Variants in PRG4 observed in about 807,000 individuals in gnomAD.
The protein encoded by PRG4 is proteoglycan 4.
Under a neutral mutation model 91.2 loss-of-function variants are expected in PRG4, and 61 were observed. That is an observed-to-expected ratio of 0.67 (90% CI 0.54 to 0.83). The LOEUF is 0.83. PRG4 is among the 40% of genes least tolerant of loss of function. The pLI, the probability that PRG4 is intolerant of heterozygous loss-of-function variation, is 0.00. For missense variants in PRG4, 1,564 were observed against 1,714.2 expected (o/e 0.91, Z 1.55); for synonymous variants, 576 against 614.2 (o/e 0.94, Z 0.92).
chr1:186,308,443 A>G lies in PRG4; in HGVS notation c.2724A>G (p.Lys908=). Residue 908 remains lysine, a synonymous_variant, in exon 7 of 13, where the codon AAA becomes AAG. Coordinates refer to ENST00000445192, the MANE Select transcript of PRG4 (RefSeq NM_005807.6). ...CAACTAAGACTCCTGCAGCGACTAA[A>G]CCTGAAATGACTACAACAGCTAAAG... ...VPTTKTPAAT[K]PEMTTTAKDK... 1.2e-6 allele frequency: 2 copies of G among 1,613,968 alleles called. No individual in the cohort carries two copies. The highest frequency in any genetic ancestry group is 1.7e-6 in the Non-Finnish European group (2 of 1,180,038).
Position 186,308,543 on chromosome 1 carries a change from G to C in PRG4, c.2824G>C (p.Ala942Pro), listed in dbSNP as rs1190135710. The C allele has an allele frequency of 1.2e-6, 2 of 1,613,564 alleles. No individual in the cohort carries two copies. The change falls in exon 7 of 13, where the codon GCA becomes CCA. Residue 942 changes from alanine (A) to proline (P), a missense_variant. By Grantham distance (27) the Ala-to-Pro change is conservative (BLOSUM62 -1). This residue lies in a region of PRG4 where 1,079 missense variants were observed against 1,162.2 expected (regional missense o/e 0.93). Transcript: ENST00000445192. ...TGCACCTAAGATGACAAAAGAGACA[G>C]CAACTACAACAGAAAAAACTACCGA... ...TAAPKMTKET[A>P]TTTEKTTESK...
At chr1:186,310,493 G>C (rs1383214987) in intron 8 of PRG4, among the ~76,000 whole-genome samples, 2 of 152,046 alleles carry the variant, frequency 1.3e-5, no homozygotes, top group Admixed American at 6.6e-5. Context: ...AAGCCAAAAG[G>C]CTTTTTTGAG....
Position 186,301,730 on chromosome 1 carries a change from A to G in PRG4, c.319+19A>G, listed in dbSNP as rs1656232573. The G allele has an allele frequency of 5.0e-6, 8 of 1,611,992 alleles. No homozygotes were observed. The Admixed American group carries it at 6.7e-5, about 13-fold the overall frequency. On this transcript the variant is annotated intron_variant, in intron 4 of 12. Transcript: ENST00000445192. ...GCAGAAGGTAAGCATCACAGTACCA[A>G]CCAATGCTTCTCAGTACAGCCAGAT...
Position 186,308,843 on chromosome 1 carries a change from AGAGT to A in PRG4, c.3128_3131del (p.Val1043GlufsTer12). ...TACCAAAAAGCCAAAAACAATGCCT[AGAGT>A]GAGAAAACCAAAGACGACACCAACT... On this transcript the variant is annotated frameshift_variant, in exon 7 of 13. Coordinates refer to ENST00000445192, the MANE Select transcript of PRG4 (RefSeq NM_005807.6). LOFTEE classifies it high-confidence loss of function. 5 of 1,613,918 alleles carry A rather than the reference AGAGT, an allele frequency of 3.1e-6. No homozygotes were observed. Among genetic ancestry groups the A allele is most frequent in the East Asian group, 4.5e-5 (2 of 44,878 alleles).
At chr1:186,303,094 C>T (rs1256103169) in intron 4 of PRG4, among the ~76,000 whole-genome samples, 2 of 152,104 alleles carry the variant, frequency 1.3e-5, no homozygotes, top group African/African-American at 4.8e-5. Flanking sequence ...TTAGTTGTTT[C>T]AGTATAGATA....
At position 186,304,267 on chromosome 1, in the gene PRG4, T is replaced by C. The variant is rs1455080620; in HGVS notation, c.469+10T>C. The C allele has an allele frequency of 2.5e-6, 4 of 1,609,572 alleles. No individual in the cohort carries two copies. The highest frequency in any genetic ancestry group is 1.1e-5 in the South Asian group (1 of 90,990). On this transcript the variant is annotated intron_variant, in intron 5 of 12. Coordinates refer to ENST00000445192, the MANE Select transcript of PRG4 (RefSeq NM_005807.6). ...GAGGAAATAACAGAAGGTAGGAAGA[T>C]GACAGATATAATCAAAGGAGCTTTC... is the stretch of plus-strand genomic sequence containing the variant.
At position 186,312,084 on chromosome 1, in the gene PRG4, T is replaced by C. The variant is rs183724342; in HGVS notation, c.3794-91T>C. ...TATATGAAAAATGAGAACAAAACTGTTTCCTATACATTGTAAAAGTTGTTT... is the reference window on the plus strand; with the variant it reads ...TATATGAAAAATGAGAACAAAACTGCTTCCTATACATTGTAAAAGTTGTTT... On this transcript the variant is annotated intron_variant, in intron 10 of 12. Coordinates refer to ENST00000445192, the MANE Select transcript of PRG4 (RefSeq NM_005807.6). The C allele has an allele frequency of 4.7e-4, 496 of 1,053,180 alleles. 1 individual carries two copies. In the African/African-American group the frequency reaches 6.7e-3, roughly 14 times the overall value. The allele number at this position is 1,053,180 out of a possible 1,614,324, so 65.2% of individuals were successfully genotyped here.
rs148099413 is a variant in PRG4, at chr1:186,312,345, C to T, written c.3964C>T (p.Pro1322Ser). The change falls in exon 11 of 13, where the codon CCT becomes TCT. Residue 1322 changes from proline to serine, a missense_variant. By Grantham distance (74) the Pro-to-Ser change is moderately conservative. Around this residue, in one of 3 missense-constraint regions of PRG4, gnomAD observed 1,079 missense variants for 1,162.2 expected, o/e 0.93. Transcript: ENST00000445192. ...QTHTIRIQYSPARLAYQDKGV... is the reference protein window; with the variant it reads ...QTHTIRIQYSSARLAYQDKGV... The stretch of plus-strand genomic sequence containing the variant: ...ACACACCATCAGAATTCAATATTCA[C>T]CTGCCAGACTGGCTTATCAAGACAA... The T allele has an allele frequency of 5.3e-4, 846 of 1,608,670 alleles. No individual in the cohort carries two copies. The highest frequency in any genetic ancestry group is 6.9e-4 in the Non-Finnish European group (818 of 1,178,290).
Position 186,313,776 on chromosome 1 carries a change from T to C in PRG4, c.4213T>C (p.Ter1405GlnextTer13), listed in dbSNP as rs748517998. 2 of 1,595,800 alleles carry C rather than the reference T, an allele frequency of 1.3e-6. No homozygotes were observed. The highest frequency in any genetic ancestry group is 8.6e-7 in the Non-Finnish European group (1 of 1,163,432). The change falls in exon 13 of 13, where the codon TAG becomes CAG. Residue 1405 changes from the stop codon to glutamine (Q), a stop_lost. Transcript: ENST00000445192. ...ATCCAAAGTCTGGTACAACTGTCCT[T>C]AGACTGATGAGCAAAGGAGGAGTCA... ...TLSKVWYNCP[*>Q]
chr1:186,304,949 C>T (rs749440840), intron 6 of PRG4, 27 bp downstream of exon 6: 2 of 1,606,158 alleles, frequency 1.2e-6, no homozygotes, highest in South Asian at 1.1e-5. Flanking sequence ...AGATCAAAGA[C>T]TGTATCAATG....
intron 8 of PRG4, among the ~76,000 whole-genome samples, chr1:186,310,402 A>T (rs1273337794): frequency 6.6e-6 from 1 of 152,190 alleles, no homozygotes; most frequent in African/African-American, 2.4e-5. Flanking sequence ...GGCTAAAGAG[A>T]TGTTAGTCAT....
intron 4 of PRG4, among the ~76,000 whole-genome samples, chr1:186,303,364 C>T (rs1047883417): frequency 6.6e-6 from 1 of 150,456 alleles, no homozygotes; most frequent in African/African-American, 2.4e-5. Flanking sequence ...GGCGATGTTG[C>T]GGGGAGCAGC....
rs767214166 is a variant in PRG4, at chr1:186,308,208, C to T, written c.2489C>T (p.Thr830Ile). 1.9e-6 allele frequency: 3 copies of T among 1,612,300 alleles called. No homozygotes were observed. The highest frequency in any genetic ancestry group is 2.2e-5 in the East Asian group (1 of 44,652). The change falls in exon 7 of 13, where the codon ACC becomes ATC. Residue 830 changes from threonine to isoleucine, a missense_variant. Physicochemically the swap from Thr to Ile is moderately conservative, Grantham distance 89 (BLOSUM62 -1). Coordinates refer to ENST00000445192, the MANE Select transcript of PRG4 (RefSeq NM_005807.6). ...ACACCTAAGGAGACTGCTCCAACTACCCCCAAGGAGCCTGCACCCACTACC... is the reference window on the plus strand; with the variant it reads ...ACACCTAAGGAGACTGCTCCAACTATCCCCAAGGAGCCTGCACCCACTACC... ...PTTPKETAPTTPKEPAPTTPK... is the reference protein window; with the variant it reads ...PTTPKETAPTIPKEPAPTTPK...
chr1:186,313,654 TA>T (rs765927737), intron 12 of PRG4, 26 bp from the exon 13 acceptor site: 5 of 1,412,792 alleles, frequency 3.5e-6, no homozygotes, highest in Admixed American at 3.4e-5. Context: ...TCTTTTTAAC[TA>T]AAAAAATGTT....
chr1:186,313,357 T>C (rs1404165585), intron 12 of PRG4: 4 of 329,550 alleles, frequency 1.2e-5, no homozygotes, highest in Non-Finnish European at 2.2e-5. Flanking sequence ...ATAATATGAA[T>C]GACATTGGCA....
chr1:186,301,473 A>C, intron 3 of PRG4, 119 bp from the exon 4 acceptor site: 1 of 1,421,170 alleles, frequency 7.0e-7, no homozygotes, highest in Non-Finnish European at 9.8e-7. Flanking sequence ...ATTTCAAATA[A>C]AAGACTTAGA....
chr1:186,306,375 T>C lies in PRG4; in HGVS notation c.656T>C (p.Val219Ala), dbSNP rs1656560170. 1 of 1,612,784 alleles carries C rather than the reference T, an allele frequency of 6.2e-7. No homozygotes were observed. The highest frequency in any genetic ancestry group is 1.3e-5 in the African/African-American group (1 of 74,824). ...KKKPTPKPPV[V>A]DEAGSGLDNG... is the part of the protein sequence containing the mutation. ...AAACCTACCCCCAAACCACCAGTTG[T>C]AGATGAAGCTGGAAGTGGATTGGAC... The change falls in exon 7 of 13, where the codon GTA (valine) becomes GCA (alanine). Residue 219 changes from valine (V) to alanine (A), a missense_variant. Transcript: ENST00000445192.
At position 186,307,591 on chromosome 1, in the gene PRG4, C is replaced by T. The variant is rs756754659; in HGVS notation, c.1872C>T (p.Leu624=). ...KETAPTTPKK[L]TPTTPEKLAP... is the part of the protein sequence containing the mutation. ...CTGCACCCACCACCCCCAAGAAGCT[C>T]ACGCCCACCACCCCCGAGAAGCTCG... Residue 624 remains leucine, a synonymous_variant, in exon 7 of 13, where the codon CTC becomes CTT. Coordinates refer to ENST00000445192, the MANE Select transcript of PRG4 (RefSeq NM_005807.6). The T allele has an allele frequency of 3.5e-6, 5 of 1,418,930 alleles. No homozygotes were observed. Among genetic ancestry groups the T allele is most frequent in the Admixed American group, 2.0e-5 (1 of 49,370 alleles). 87.9% of individuals were successfully genotyped at this position (1,418,930 alleles called of 1,614,324 possible). A position where few individuals can be genotyped will look rare whatever the true frequency, so the allele number is the denominator to read the frequency against.
At chr1:186,310,662 T>C (rs937864209) in intron 8 of PRG4, among the ~76,000 whole-genome samples, 1 of 149,448 alleles carries the variant, frequency 6.7e-6, no homozygotes, top group African/African-American at 2.5e-5. Context: ...TTTGTATTTT[T>C]TTTTGTATTT....
Sources: allele counts gnomAD v4.1 joint callset (sites outside exome capture counted in the v4.1 genomes callset), GRCh38; gene constraint gnomAD v4.1.1; regional missense constraint gnomAD v4.1.1; transcripts MANE v1.5; gene names NCBI Gene and HGNC (gene_info 2026-07-23, HGNC 2026-07-21).